CKAP2: variants seen among roughly 807,000 people sequenced by gnomAD.
CKAP2 encodes the protein cytoskeleton-associated protein 2.
CKAP2 carries 46 observed loss-of-function variants against 58.4 expected under a neutral mutation model. That is an observed-to-expected ratio of 0.79 (90% CI 0.62 to 1.01). The LOEUF is 1.01. Among genes scored for constraint, CKAP2 ranks in the 50% least tolerant of loss-of-function variants. The pLI is 0.00. For synonymous variants in CKAP2, 293 were observed against 280.9 expected, an observed-to-expected ratio of 1.04 and a Z score of -0.43; for missense variants, 809 against 796.4, an observed-to-expected ratio of 1.02 and a Z score of -0.19.
At chr13:52,457,290 G>A (rs1958502671) in intron 2 of CKAP2, among the ~76,000 whole-genome samples, 1 of 152,142 alleles carries the variant, frequency 6.6e-6, no homozygotes. Flanking sequence ...TCAACTTACT[G>A]TTTACACCAC....
intron 4 of CKAP2, 63 bp from the exon 5 acceptor site, chr13:52,462,295 TTTAAC>T: frequency 7.1e-7 from 1 of 1,401,850 alleles, no homozygotes; most frequent in African/African-American, 1.5e-5. Context: ...GATTTTTTCT[TTTAAC>T]TTTATTTGAC....
At position 52,476,403 on chromosome 13, in the gene CKAP2, C is replaced by T. The variant is rs1294539338; in HGVS notation, c.*1262C>T. 1 of 152,132 alleles carries T rather than the reference C, an allele frequency of 6.6e-6. No homozygotes were observed. Among genetic ancestry groups the T allele is most frequent in the South Asian group, 2.1e-4 (1 of 4,828 alleles). The allele number at this position is 152,132 out of a possible 1,614,324, so 9.4% of individuals were successfully genotyped here. A position where few individuals can be genotyped will look rare whatever the true frequency, so the allele number is the denominator to read the frequency against. On this transcript the variant is annotated 3_prime_UTR_variant, in exon 9 of 9. Transcript: ENST00000258607. ...TATTTTATGAAATGCAGTTTAACCACAGTGAATGAATTTTAGCTTTGCTTT... is the reference window on the plus strand; with the variant it reads ...TATTTTATGAAATGCAGTTTAACCATAGTGAATGAATTTTAGCTTTGCTTT...
At chr13:52,470,521 G>A (rs1189243876) in intron 7 of CKAP2, among the ~76,000 whole-genome samples, 2 of 151,780 alleles carry the variant, frequency 1.3e-5, no homozygotes, top group East Asian at 3.9e-4. Context: ...AGGTTGAAGG[G>A]CTAAACCTTA....
chr13:52,458,410 G>A (rs916780112), intron 2 of CKAP2, among the ~76,000 whole-genome samples: 1 of 152,162 alleles, frequency 6.6e-6, no homozygotes, highest in African/African-American at 2.4e-5. Flanking sequence ...GAAATTACTA[G>A]GGAATAAGTA....
intron 6 of CKAP2, among the ~76,000 whole-genome samples, chr13:52,467,705 C>G (rs1958700679): frequency 6.8e-6 from 1 of 148,120 alleles, no homozygotes. Context: ...GAGACTGTCT[C>G]AAAAAAAGAA....
chr13:52,462,662 G>C, intron 5 of CKAP2, 95 bp downstream of exon 5: 1 of 906,938 alleles, frequency 1.1e-6, no homozygotes, highest in East Asian at 2.6e-5. Context: ...TTTTGACCAG[G>C]TGATGTTGGT....
chr13:52,471,435 A>G (rs1360849684), intron 7 of CKAP2, among the ~76,000 whole-genome samples: 1 of 152,128 alleles, frequency 6.6e-6, no homozygotes, highest in African/African-American at 2.4e-5. Flanking sequence ...TCTGGATATA[A>G]AACCAATTTC....
Position 52,462,549 on chromosome 13 carries a change from C to T in CKAP2, c.1287C>T (p.Cys429=), listed in dbSNP as rs892088544. 2 of 1,613,276 alleles carry T rather than the reference C, an allele frequency of 1.2e-6. No individual in the cohort carries two copies. The highest frequency in any genetic ancestry group is 1.7e-6 in the Non-Finnish European group (2 of 1,179,652). Residue 429 remains cysteine (C), a synonymous_variant, in exon 5 of 9, where the codon TGC becomes TGT. Coordinates refer to ENST00000258607, the MANE Select transcript of CKAP2 (RefSeq NM_018204.5). ...TEKVNNTFSE[C]LNLINEGCPK... is the part of the protein sequence containing the mutation. Reference sequence around the variant, plus strand: ...AAGTAAACAACACATTTTCTGAATGCCTGAACTTGATTAATGAGGTAGAGT... The same window carrying T: ...AAGTAAACAACACATTTTCTGAATGTCTGAACTTGATTAATGAGGTAGAGT...
intron 2 of CKAP2, among the ~76,000 whole-genome samples, chr13:52,459,907 C>T (rs1441835017): frequency 6.6e-6 from 1 of 152,112 alleles, no homozygotes; most frequent in Non-Finnish European, 1.5e-5. Context: ...CTGTGTCACT[C>T]AGCCTCTAGT....
rs1566099624 is a variant in CKAP2, at chr13:52,461,675, G to A, written c.849G>A (p.Gly283=). Residue 283 remains glycine (G), a synonymous_variant, in exon 4 of 9, where the codon GGG becomes GGA. Coordinates refer to ENST00000258607, the MANE Select transcript of CKAP2 (RefSeq NM_018204.5). ...RTSANVTIRK[G]PHEKELLQSK... ...CTGCCAATGTTACAATCCGGAAAGG[G>A]CCTCATGAAAAAGAACTATTACAAT... 6.2e-7 allele frequency: 1 copy of A among 1,614,064 alleles called. No homozygotes were observed. Among genetic ancestry groups the A allele is most frequent in the Non-Finnish European group, 8.5e-7 (1 of 1,180,014 alleles).
intron 7 of CKAP2, among the ~76,000 whole-genome samples, chr13:52,469,573 T>C (rs1360787605): frequency 2.0e-5 from 3 of 151,280 alleles, no homozygotes; most frequent in Non-Finnish European, 2.9e-5. Flanking sequence ...TTGAATGAAA[T>C]AATATTTATT....
rs771039623 is a variant in CKAP2 at position 52,473,990 on chromosome 13, A to C, written c.1708A>C (p.Lys570Gln). The C allele has an allele frequency of 1.7e-5, 27 of 1,614,024 alleles. No homozygotes were observed. Among genetic ancestry groups the C allele is most frequent in the Non-Finnish European group, 2.3e-5 (27 of 1,180,014 alleles). ...TGAAAAAGAGCAAGACAACAAAACA[A>C]AAGATCCAACCCATGATGTTAAAAC... ...DCEKEQDNKT[K>Q]DPTHDVKTPN... The change falls in exon 8 of 9, where the codon AAA (lysine) becomes CAA (glutamine). Residue 570 changes from lysine to glutamine, a missense_variant. Lys to Gln is a moderately conservative substitution (Grantham distance 53). Coordinates refer to ENST00000258607, the MANE Select transcript of CKAP2 (RefSeq NM_018204.5).
rs140598129 is a variant in CKAP2, at chr13:52,467,607, G to A, written c.1477-671G>A. ...ACCCGTAATCCCAGCTACTCGAGAG[G>A]CTGAGGCAAGAGAATCATTTGAACC... On this transcript the variant is annotated intron_variant, in intron 6 of 8. Transcript: ENST00000258607. 7.4e-3 allele frequency among the ~76,000 whole-genome samples: 1,127 copies of A among 152,090 alleles called. 6 individuals carry two copies. The highest frequency in any genetic ancestry group is 0.017 in the African/African-American group (704 of 41,490).
Position 52,461,141 on chromosome 13 carries a change from A to T in CKAP2, c.315A>T (p.Ser105=), listed in dbSNP as rs758498329. Residue 105 remains serine (S), a synonymous_variant, in exon 4 of 9, where the codon TCA becomes TCT. Transcript: ENST00000258607. The part of the protein sequence containing the change: ...VGKHCIPLKP[S]NELTNSTVVI... ...AACATTGTATTCCTTTAAAACCTTC[A>T]AATGAACTAACCAATTCAACTGTAG... 38 of 1,613,182 alleles carry T rather than the reference A, an allele frequency of 2.4e-5. No homozygotes were observed. Among genetic ancestry groups the T allele is most frequent in the Non-Finnish European group, 3.1e-5 (36 of 1,179,840 alleles).
intron 5 of CKAP2, among the ~76,000 whole-genome samples, chr13:52,464,248 C>CAA (rs202039890): frequency 1.3e-5 from 2 of 149,660 alleles, no homozygotes; most frequent in African/African-American, 4.9e-5. Context: ...CTAAAATACT[C>CAA]AAAAAAAAAA....
chr13:52,456,528 A>G lies in CKAP2; in HGVS notation c.76A>G (p.Arg26Gly). ...CTCTTACCTTTGTTATCTAGAGCAAAGAAGACAAAAACTCAAGGAACATCT... is the reference window on the plus strand; with the variant it reads ...CTCTTACCTTTGTTATCTAGAGCAAGGAAGACAAAAACTCAAGGAACATCT... ...QRAQSAFKEQ[R>G]RQKLKEHLLR... Residue 26 changes from arginine (R) to glycine (G), a missense_variant, in exon 2 of 9, where the codon AGA becomes GGA. By Grantham distance (125) the Arg-to-Gly change is moderately radical. This residue lies in a region of CKAP2 where 523 missense variants were observed against 492.4 expected (regional missense o/e 1.06). Coordinates refer to ENST00000258607, the MANE Select transcript of CKAP2 (RefSeq NM_018204.5). 1 of 1,611,552 alleles carries G rather than the reference A, an allele frequency of 6.2e-7. No individual in the cohort carries two copies. The highest frequency in any genetic ancestry group is 8.5e-7 in the Non-Finnish European group (1 of 1,178,772).
intron 6 of CKAP2, 55 bp from the exon 7 acceptor site, chr13:52,468,223 A>G (rs1004017491): frequency 5.2e-5 from 55 of 1,049,540 alleles, no homozygotes; most frequent in Non-Finnish European, 7.1e-5. Flanking sequence ...TACCTAGTTA[A>G]TGTCAGAGAA....
chr13:52,463,586 A>C, intron 5 of CKAP2, among the ~76,000 whole-genome samples: 1 of 152,238 alleles, frequency 6.6e-6, no homozygotes, highest in East Asian at 1.9e-4. Flanking sequence ...AACAACAAAC[A>C]GCAGCACGTT....
At chr13:52,472,870 C>A (rs1297953639) in intron 7 of CKAP2, among the ~76,000 whole-genome samples, 1 of 152,086 alleles carries the variant, frequency 6.6e-6, no homozygotes, top group Non-Finnish European at 1.5e-5. Flanking sequence ...CATAGTGAGA[C>A]CCCATCTCTA....
Sources: allele counts gnomAD v4.1 joint callset (sites outside exome capture counted in the v4.1 genomes callset), GRCh38; gene constraint gnomAD v4.1.1; regional missense constraint gnomAD v4.1.1; transcripts MANE v1.5; gene names NCBI Gene and HGNC (gene_info 2026-07-23, HGNC 2026-07-21).